The following NCAM2 variants were observed in gnomAD, a reference collection of about 807,000 sequenced individuals.
NCAM2 encodes the protein N-CAM-2.
Under a neutral mutation model 98.1 loss-of-function variants are expected in NCAM2, and 30 were observed. The ratio of observed to expected loss-of-function variants is 0.31; its 90% CI spans 0.23 to 0.41. The LOEUF (loss-of-function observed/expected upper bound fraction) is 0.41. Among genes scored for constraint, NCAM2 ranks in the 10% least tolerant of loss-of-function variants. The probability of loss-of-function intolerance (pLI) is 1.00; values close to 1 mark genes in which losing one functional copy is unlikely to be tolerated. For missense variants in NCAM2, 867 were observed against 1,005.8 expected (o/e 0.86, Z 1.87); for synonymous variants, 368 against 342.4 (o/e 1.07, Z -0.83).
intron 10 of NCAM2, among the ~76,000 whole-genome samples, chr21:21,413,441 A>G (rs1239839666): frequency 6.6e-6 from 1 of 152,226 alleles, no homozygotes; most frequent in African/African-American, 2.4e-5. Flanking sequence ...TTGTTAGTTC[A>G]CTATACTCTG....
intron 1 of NCAM2, among the ~76,000 whole-genome samples, chr21:21,274,957 C>T (rs1005939850): frequency 1.3e-5 from 2 of 152,016 alleles, no homozygotes; most frequent in Admixed American, 6.6e-5. Flanking sequence ...GCGCTTGGTA[C>T]CCTGATGGAA....
intron 1 of NCAM2, among the ~76,000 whole-genome samples, chr21:21,023,947 C>T (rs1187990294): frequency 3.3e-5 from 5 of 152,142 alleles, no homozygotes; most frequent in Non-Finnish European, 7.3e-5. Context: ...GTCGTATACT[C>T]ATTTCTATTT....
chr21:21,213,584 G>A (rs147950298), intron 1 of NCAM2, among the ~76,000 whole-genome samples: 145 of 152,160 alleles, frequency 9.5e-4, no homozygotes, highest in African/African-American at 3.1e-3. Context: ...ACATTACAGC[G>A]TTTTTATGCC....
chr21:21,263,427 A>C (rs1001077352), intron 1 of NCAM2, among the ~76,000 whole-genome samples: 4 of 152,146 alleles, frequency 2.6e-5, no homozygotes, highest in African/African-American at 9.7e-5. Context: ...TTGTTAAAAT[A>C]ACAATACTTT....
intron 12 of NCAM2, among the ~76,000 whole-genome samples, chr21:21,455,550 C>T (rs73216004): frequency 0.14 from 20,717 of 151,602 alleles, 1,405 homozygotes; most frequent in Non-Finnish European, 0.14. Flanking sequence ...TTAACTTCTC[C>T]AGAAAACATG....
chr21:21,327,059 C>T (rs2074534348), intron 6 of NCAM2, among the ~76,000 whole-genome samples: 1 of 152,152 alleles, frequency 6.6e-6, no homozygotes, highest in East Asian at 1.9e-4. Context: ...CTGGGTAGTT[C>T]ACACAATAGG....
chr21:21,291,384 A>C (rs920994636), intron 4 of NCAM2, among the ~76,000 whole-genome samples: 16 of 151,898 alleles, frequency 1.1e-4, no homozygotes, highest in Non-Finnish European at 2.1e-4. Flanking sequence ...CCAGGCTGAG[A>C]TGCTGCTTAG....
rs1331086723 is a variant in NCAM2, at chr21:21,244,899, C to A, written c.56-35679C>A. ...GTATTACAGCACTTCAATGTGATATCCGTTAACTTCATTTAATATCTGTTT... is the reference window on the plus strand; with the variant it reads ...GTATTACAGCACTTCAATGTGATATACGTTAACTTCATTTAATATCTGTTT... On this transcript the variant is annotated intron_variant, in intron 1 of 17. Transcript: ENST00000400546. Among the ~76,000 whole-genome samples, 3 of 149,102 alleles carry A rather than the reference C, an allele frequency of 2.0e-5. No individual in the cohort carries two copies. In the East Asian group the frequency reaches 5.9e-4, roughly 30 times the overall value.
intron 5 of NCAM2, among the ~76,000 whole-genome samples, chr21:21,316,674 G>A (rs58450126): frequency 0.013 from 1,922 of 150,140 alleles, 43 homozygotes; most frequent in African/African-American, 0.045. Context: ...CTCCCAAGTT[G>A]CTGGCATTAC....
In NCAM2 at chr21:21,315,054, C is replaced by T. The variant is rs183410156; in HGVS notation, c.620-9329C>T. On this transcript the variant is annotated intron_variant, in intron 5 of 17. Transcript: ENST00000400546. ...GACTCTGGATCTTATTTCAGTATTA[C>T]GGAAAATGCTCACTTTTTTTGTTGT... 1.3e-3 allele frequency among the ~76,000 whole-genome samples: 192 copies of T among 152,116 alleles called. 1 individual carries two copies. The East Asian group carries it at 0.028, about 22-fold the overall frequency.
chr21:21,432,336 C>A, intron 12 of NCAM2, 55 bp downstream of exon 12: 1 of 1,508,952 alleles, frequency 6.6e-7, no homozygotes, highest in Non-Finnish European at 9.0e-7. Flanking sequence ...TTCAGTATAC[C>A]TGTATGATTG....
chr21:21,471,865 T>G (rs1172624290), intron 14 of NCAM2, among the ~76,000 whole-genome samples: 1 of 152,000 alleles, frequency 6.6e-6, no homozygotes, highest in Non-Finnish European at 1.5e-5. Flanking sequence ...AAGACAGAAT[T>G]TATTGGAACA....
At chr21:21,061,824 G>A (rs2065329351) in intron 1 of NCAM2, among the ~76,000 whole-genome samples, 1 of 151,922 alleles carries the variant, frequency 6.6e-6, no homozygotes, top group Admixed American at 6.6e-5. Flanking sequence ...TTCATCATAG[G>A]TTTTAAAAAT....
chr21:21,513,520 T>A (rs547075233), intron 16 of NCAM2, among the ~76,000 whole-genome samples: 4 of 152,248 alleles, frequency 2.6e-5, no homozygotes, highest in Middle Eastern at 3.4e-3. Flanking sequence ...CCTCTTTTTA[T>A]TGACTTTTAG....
At position 21,407,605 on chromosome 21, in the gene NCAM2, T is replaced by C. The variant is rs951226789; in HGVS notation, c.1196-2669T>C. Among the ~76,000 whole-genome samples the C allele has an allele frequency of 3.9e-5, 6 of 152,204 alleles. 1 individual carries two copies. Among genetic ancestry groups the C allele is most frequent in the African/African-American group, 7.2e-5 (3 of 41,456 alleles). On this transcript the variant is annotated intron_variant, in intron 9 of 17. Coordinates refer to ENST00000400546, the MANE Select transcript of NCAM2 (RefSeq NM_004540.5). Reference sequence around the variant, plus strand: ...TCCATTAGGATGTATGAATTTCTTATTGGATTGAGTTTATTTGTAACTATA... The same window carrying C: ...TCCATTAGGATGTATGAATTTCTTACTGGATTGAGTTTATTTGTAACTATA...
intron 12 of NCAM2, among the ~76,000 whole-genome samples, chr21:21,455,947 T>C (rs559362699): frequency 2.5e-4 from 38 of 152,132 alleles, no homozygotes; most frequent in African/African-American, 9.1e-4. Context: ...TAAATATTAT[T>C]ATGAATTTCT....
chr21:21,165,116 A>C (rs974510269), intron 1 of NCAM2, among the ~76,000 whole-genome samples: 2 of 152,178 alleles, frequency 1.3e-5, no homozygotes, highest in African/African-American at 4.8e-5. Context: ...GATACTGTTC[A>C]TTCAGGGAAA....
chr21:21,167,346 T>A (rs981515952), intron 1 of NCAM2, among the ~76,000 whole-genome samples: 1 of 152,136 alleles, frequency 6.6e-6, no homozygotes, highest in African/African-American at 2.4e-5. Context: ...TTCTATATAA[T>A]GGTTTACTCT....
At chr21:21,155,890 G>A (rs1012604999) in intron 1 of NCAM2, among the ~76,000 whole-genome samples, 1 of 151,818 alleles carries the variant, frequency 6.6e-6, no homozygotes, top group African/African-American at 2.4e-5. Context: ...CAGATACTTT[G>A]GGAAAAACCC....
Sources: allele counts gnomAD v4.1 joint callset (sites outside exome capture counted in the v4.1 genomes callset), GRCh38; gene constraint gnomAD v4.1.1; transcripts MANE v1.5; gene names NCBI Gene and HGNC (gene_info 2026-07-23, HGNC 2026-07-21).